R3HDM1: variants seen among roughly 807,000 people sequenced by gnomAD.
R3HDM1 encodes R3H domain-containing protein 1.
Under a neutral mutation model 141.1 loss-of-function variants are expected in R3HDM1, and 46 were observed. The observed-to-expected ratio is 0.33, with a 90% CI of 0.26 to 0.42. R3HDM1 has a LOEUF of 0.42. R3HDM1 is among the 10% of genes least tolerant of loss of function. The pLI, the probability that R3HDM1 is intolerant of heterozygous loss-of-function variation, is 1.00. For synonymous variants in R3HDM1, 435 were observed against 472.9 expected, an observed-to-expected ratio of 0.92 and a Z score of 1.04; for missense variants, 1,184 against 1,368.3, an observed-to-expected ratio of 0.87 and a Z score of 2.12.
intron 7 of R3HDM1, among the ~76,000 whole-genome samples, chr2:135,626,201 G>A (rs199804501): frequency 9.2e-5 from 10 of 108,502 alleles, no homozygotes; most frequent in Admixed American, 6.9e-4. Context: ...GCGTGCGTGC[G>A]TGCGTGCGTG....
At chr2:135,713,243 A>T (rs188997711) in intron 23 of R3HDM1, among the ~76,000 whole-genome samples, 2 of 152,318 alleles carry the variant, frequency 1.3e-5, no homozygotes, top group Admixed American at 6.5e-5. Context: ...ATTACAGATC[A>T]GCTCACAAAC....
At chr2:135,704,469 CA>C (rs1226602682) in intron 21 of R3HDM1, among the ~76,000 whole-genome samples, 1 of 126,574 alleles carries the variant, frequency 7.9e-6, no homozygotes, top group African/African-American at 2.7e-5. Flanking sequence ...TTACAAAATG[CA>C]TGCATGCTTT....
chr2:135,665,450 A>G (rs752296690), intron 19 of R3HDM1: 1 of 533,588 alleles, frequency 1.9e-6, no homozygotes, highest in Non-Finnish European at 3.9e-6. Context: ...CATTTCTCAC[A>G]GTGAACCGGT....
At chr2:135,654,641 G>C (rs2065576250) in intron 18 of R3HDM1, among the ~76,000 whole-genome samples, 1 of 151,896 alleles carries the variant, frequency 6.6e-6, no homozygotes, top group Admixed American at 6.6e-5. Flanking sequence ...TAGAGACGGG[G>C]TTTCACCATG....
At chr2:135,625,917 A>G (rs1482770581) in intron 7 of R3HDM1, among the ~76,000 whole-genome samples, 1 of 152,182 alleles carries the variant, frequency 6.6e-6, no homozygotes, top group Non-Finnish European at 1.5e-5. Context: ...CCTTTATAAT[A>G]AACCAACAAA....
chr2:135,711,637 C>T (rs2075640158), intron 23 of R3HDM1, among the ~76,000 whole-genome samples: 1 of 140,098 alleles, frequency 7.1e-6, no homozygotes, highest in South Asian at 2.3e-4. Context: ...TGCCCCCTAG[C>T]AACAGAGGGA....
intron 3 of R3HDM1, chr2:135,605,926 C>T (rs900565582): frequency 1.1e-4 from 17 of 152,314 alleles, no homozygotes; most frequent in African/African-American, 2.9e-4. Flanking sequence ...TCCGGCGATC[C>T]GCCCACCTCG....
intron 18 of R3HDM1, among the ~76,000 whole-genome samples, chr2:135,652,534 A>T (rs1187361080): frequency 6.6e-6 from 1 of 152,156 alleles, no homozygotes; most frequent in East Asian, 1.9e-4. Flanking sequence ...CTTCTTATAT[A>T]TTGTGGGATT....
At chr2:135,542,765 G>C (rs532124939) in intron 1 of R3HDM1, among the ~76,000 whole-genome samples, 1 of 152,196 alleles carries the variant, frequency 6.6e-6, no homozygotes, top group African/African-American at 2.4e-5. Flanking sequence ...ATGAGACGGC[G>C]TCTCACTCTG....
intron 18 of R3HDM1, among the ~76,000 whole-genome samples, chr2:135,655,359 C>A (rs975349591): frequency 6.6e-5 from 10 of 152,142 alleles, no homozygotes; most frequent in Non-Finnish European, 1.5e-4. Context: ...TGGGCTCTCA[C>A]CTTACCCCAT....
chr2:135,582,961 T>C (rs1171532121), intron 1 of R3HDM1, among the ~76,000 whole-genome samples: 8 of 152,230 alleles, frequency 5.3e-5, no homozygotes, highest in African/African-American at 1.9e-4. Flanking sequence ...TTTAAAGTTA[T>C]AAAATAGACA....
chr2:135,661,031 A>G (rs942208981), intron 18 of R3HDM1, among the ~76,000 whole-genome samples: 4 of 152,034 alleles, frequency 2.6e-5, no homozygotes, highest in Non-Finnish European at 5.9e-5. Flanking sequence ...TAAGAGAGAG[A>G]GCTGAAGCAA....
At chr2:135,687,343 C>G (rs539892655) in intron 21 of R3HDM1, among the ~76,000 whole-genome samples, 16 of 152,284 alleles carry the variant, frequency 1.1e-4, no homozygotes, top group African/African-American at 3.9e-4. Flanking sequence ...TGGAAATCTG[C>G]TATACTACAT....
intron 7 of R3HDM1, chr2:135,623,109 A>T (rs2061661321): frequency 1.1e-6 from 1 of 903,756 alleles, no homozygotes; most frequent in African/African-American, 1.8e-5. Context: ...TTTTAAATGC[A>T]AAGTTTTTGT....
At chr2:135,653,584 A>T (rs2065402145) in intron 18 of R3HDM1, among the ~76,000 whole-genome samples, 1 of 152,100 alleles carries the variant, frequency 6.6e-6, no homozygotes, top group African/African-American at 2.4e-5. Flanking sequence ...ATGACCCATG[A>T]CTTACTTAGA....
intron 17 of R3HDM1, chr2:135,651,172 G>C (rs2065110232): frequency 5.1e-6 from 5 of 985,234 alleles, no homozygotes; most frequent in Non-Finnish European, 6.0e-6. Context: ...AGAATGGAAT[G>C]TATGGCCAAA....
At chr2:135,642,328 A>ATTTCTTTGCATTTCTTTG (rs2063890001) in intron 15 of R3HDM1, among the ~76,000 whole-genome samples, 1 of 152,130 alleles carries the variant, frequency 6.6e-6, no homozygotes. Flanking sequence ...ATTAATATTG[A>ATTTCTTTGCATTTCTTTG]CAATACATAT....
chr2:135,689,534 A>T lies in R3HDM1; in HGVS notation c.2459+9210A>T, dbSNP rs553766379. Among the ~76,000 whole-genome samples the T allele has an allele frequency of 5.9e-5, 9 of 152,306 alleles. No individual in the cohort carries two copies. The East Asian group carries it at 1.5e-3, about 26-fold the overall frequency. ...ACAAAGTGAGTCTTTGTTTTGAAAAATGTCTTACTTAGCTTGGGTTGCTTA... is the reference window on the plus strand; with the variant it reads ...ACAAAGTGAGTCTTTGTTTTGAAAATTGTCTTACTTAGCTTGGGTTGCTTA... On this transcript the variant is annotated intron_variant, in intron 21 of 26. Coordinates refer to ENST00000683871, the MANE Select transcript of R3HDM1 (RefSeq NM_001378107.1).
intron 1 of R3HDM1, among the ~76,000 whole-genome samples, chr2:135,540,044 C>T (rs1283773116): frequency 6.6e-6 from 1 of 152,230 alleles, no homozygotes; most frequent in Non-Finnish European, 1.5e-5. Context: ...AATTTTCCTA[C>T]TAATTTACAA....
Sources: gnomAD v4.1 joint callset for allele counts (sites outside exome capture counted in the v4.1 genomes callset) on GRCh38, gnomAD v4.1.1 for gene constraint, MANE v1.5 for transcripts, NCBI Gene and HGNC (gene_info 2026-07-23, HGNC 2026-07-21) for gene names.